Variants in SLC41A3 observed in about 807,000 individuals in gnomAD.
SLC41A3 encodes SLC41A1-like 2.
A neutral mutation model predicts 45.4 loss-of-function variants in SLC41A3; 44 were observed. That is an observed-to-expected ratio of 0.97 (90% CI 0.76 to 1.25). The LOEUF (loss-of-function observed/expected upper bound fraction) is 1.25, where lower values mean the gene tolerates loss of function less well. Ranked by LOEUF, SLC41A3 falls within the 50% of genes most tolerant of loss-of-function variation. The pLI is 0.00. For synonymous variants in SLC41A3, 256 were observed against 252.4 expected, an observed-to-expected ratio of 1.01 and a Z score of -0.13; for missense variants, 550 against 600.6, an observed-to-expected ratio of 0.92 and a Z score of 0.88.
rs1942970690 is a variant in SLC41A3 at position 126,046,528 on chromosome 3, T to G, written c.381+4415A>C. Among the ~76,000 whole-genome samples, 3 of 152,106 alleles carry G rather than the reference T, an allele frequency of 2.0e-5. No individual in the cohort carries two copies. The South Asian group carries it at 6.2e-4, about 32-fold the overall frequency. Reference sequence around the variant, plus strand: ...TATAATAGCATCAAAAGGAATAAAATACTTATGAATTAACTTAACCAAGAA... The same window carrying G: ...TATAATAGCATCAAAAGGAATAAAAGACTTATGAATTAACTTAACCAAGAA... On this transcript the variant is annotated intron_variant, in intron 3 of 10. Transcript: ENST00000360370.
At chr3:126,009,690 G>A (rs1358400803) in intron 9 of SLC41A3, among the ~76,000 whole-genome samples, 1 of 152,156 alleles carries the variant, frequency 6.6e-6, no homozygotes, top group African/African-American at 2.4e-5. Flanking sequence ...GAAGAGCAAC[G>A]ACATCTATTC....
At chr3:126,022,740 C>A in intron 6 of SLC41A3, 46 bp downstream of exon 6, 1 of 1,609,646 alleles carries the variant, frequency 6.2e-7, no homozygotes, top group Admixed American at 1.7e-5. Flanking sequence ...CTCCAGGGCC[C>A]CCCCTCCACG....
At chr3:126,045,950 A>G (rs1466594357) in intron 3 of SLC41A3, among the ~76,000 whole-genome samples, 1 of 152,132 alleles carries the variant, frequency 6.6e-6, no homozygotes, top group Admixed American at 6.5e-5. Flanking sequence ...AGATAGCTCC[A>G]CATACAAAAA....
intron 2 of SLC41A3, among the ~76,000 whole-genome samples, chr3:126,067,092 C>T (rs570142047): frequency 2.7e-5 from 3 of 111,064 alleles, no homozygotes; most frequent in Non-Finnish European, 3.8e-5. Context: ...TGGGTTGGAC[C>T]GCCCCCCCGC....
At chr3:126,095,240 A>T (rs1326555834) in intron 1 of SLC41A3, 2 of 691,624 alleles carry the variant, frequency 2.9e-6, no homozygotes, top group Non-Finnish European at 5.3e-6. Context: ...AAACCTTATC[A>T]TGAGCCAGAT....
intron 2 of SLC41A3, among the ~76,000 whole-genome samples, chr3:126,054,365 T>C (rs1943526484): frequency 6.6e-6 from 1 of 152,136 alleles, no homozygotes. Context: ...AGGTGGTCCA[T>C]GGAGCTGCAC....
Position 126,097,555 on chromosome 3 carries a change from G to T in SLC41A3, c.-79+3874C>A, listed in dbSNP as rs188122881. ...TTGGGAGACTTATAATTTTATTTTT[G>T]GCTTACAATAATCATGAAATATTTA... On this transcript the variant is annotated intron_variant, in intron 1 of 9. Coordinates refer to the SLC41A3 transcript ENST00000508835. Among the ~76,000 whole-genome samples, 13 of 152,184 alleles carry T rather than the reference G, an allele frequency of 8.5e-5. No homozygotes were observed. The East Asian group carries it at 2.5e-3, about 29-fold the overall frequency.
chr3:126,090,809 T>C (rs1338370047), intron 1 of SLC41A3, among the ~76,000 whole-genome samples: 4 of 152,154 alleles, frequency 2.6e-5, no homozygotes, highest in African/African-American at 2.4e-5. Context: ...GAGTGGGGCA[T>C]GTGAGATTGT....
intron 1 of SLC41A3, among the ~76,000 whole-genome samples, chr3:126,093,292 A>G (rs1342802382): frequency 6.6e-6 from 1 of 152,226 alleles, no homozygotes; most frequent in Non-Finnish European, 1.5e-5. Context: ...TGTCCAAAAT[A>G]TAAAAAAGGA....
intron 3 of SLC41A3, among the ~76,000 whole-genome samples, chr3:126,046,356 TACAC>T (rs66615933): frequency 1.1e-4 from 17 of 150,560 alleles, no homozygotes; most frequent in East Asian, 3.9e-4. Context: ...CTCTAAAGAT[TACAC>T]ACACACACAC....
Position 126,008,777 on chromosome 3 carries a change from G to C in SLC41A3, c.1209C>G (p.Asn403Lys). ...GGTAGAGCACCACAAAGGTCTGGCT[G>C]TTTATGACTGACTGACCCTCCACCA... The part of the protein sequence containing the change: ...IYLVEGQSVI[N>K]SQTFVVLYLL... The change falls in exon 10 of 11, where the codon AAC becomes AAG. Residue 403 changes from asparagine to lysine, a missense_variant. By Grantham distance (94) the Asn-to-Lys change is moderately conservative (BLOSUM62 0). Coordinates refer to ENST00000360370, the MANE Select transcript of SLC41A3 (RefSeq NM_017836.4). 1 of 1,614,162 alleles carries C rather than the reference G, an allele frequency of 6.2e-7. No homozygotes were observed. The highest frequency in any genetic ancestry group is 8.5e-7 in the Non-Finnish European group (1 of 1,180,008).
chr3:126,027,312 C>A (rs1400737726), intron 4 of SLC41A3, among the ~76,000 whole-genome samples: 1 of 141,084 alleles, frequency 7.1e-6, no homozygotes, highest in African/African-American at 2.6e-5. Context: ...CTCATGAGTT[C>A]TGGTTATTTA....
At chr3:126,046,973 A>AG (rs1195613566) in intron 3 of SLC41A3, among the ~76,000 whole-genome samples, 1 of 151,656 alleles carries the variant, frequency 6.6e-6, no homozygotes, top group East Asian at 1.9e-4. Flanking sequence ...AAAAAAAAAA[A>AG]AAAAGAAAAG....
chr3:126,051,817 T>C (rs1237379341), intron 2 of SLC41A3, among the ~76,000 whole-genome samples: 2 of 152,178 alleles, frequency 1.3e-5, no homozygotes, highest in Admixed American at 1.3e-4. Flanking sequence ...AAGCTTCTCC[T>C]GGTTTTGGAA....
At chr3:126,007,531 C>T (rs1287846430) in intron 10 of SLC41A3, among the ~76,000 whole-genome samples, 1 of 152,228 alleles carries the variant, frequency 6.6e-6, no homozygotes, top group Non-Finnish European at 1.5e-5. Context: ...AGGCTCTACT[C>T]ATGGGACTTT....
intron 9 of SLC41A3, among the ~76,000 whole-genome samples, chr3:126,010,079 A>C (rs1325370854): frequency 6.6e-6 from 1 of 152,242 alleles, no homozygotes; most frequent in Non-Finnish European, 1.5e-5. Flanking sequence ...CATGGTCGTG[A>C]GTCCCCTGAA....
At chr3:126,034,144 A>C (rs1487474446) in intron 3 of SLC41A3, among the ~76,000 whole-genome samples, 1 of 152,114 alleles carries the variant, frequency 6.6e-6, no homozygotes, top group Non-Finnish European at 1.5e-5. Context: ...TGCCACCTAC[A>C]ACACCCTCCT....
intron 3 of SLC41A3, 32 bp from the exon 4 acceptor site, chr3:126,033,710 C>A: frequency 1.2e-6 from 2 of 1,603,482 alleles, no homozygotes; most frequent in African/African-American, 2.7e-5. Flanking sequence ...AAAGGTAGGA[C>A]TGGCTAGGCC....
intron 3 of SLC41A3, among the ~76,000 whole-genome samples, chr3:126,034,536 G>A (rs1176868977): frequency 6.6e-6 from 1 of 152,196 alleles, no homozygotes; most frequent in African/African-American, 2.4e-5. Context: ...TCTGGGATGC[G>A]GCACCTGACT....
Sources: gnomAD v4.1 joint callset for allele counts (sites outside exome capture counted in the v4.1 genomes callset) on GRCh38, gnomAD v4.1.1 for gene constraint, MANE v1.5 for transcripts, NCBI Gene and HGNC (gene_info 2026-07-23, HGNC 2026-07-21) for gene names.